UBA3: variants seen among roughly 807,000 people sequenced by gnomAD.
The protein encoded by UBA3 is ubiquitin like modifier activating enzyme 3, also known as NEDD8-activating enzyme E1 catalytic subunit.
In UBA3, 26 loss-of-function variants were observed where a neutral mutation model predicts 73.5. That is an observed-to-expected ratio of 0.35 (90% CI 0.26 to 0.49). The LOEUF (loss-of-function observed/expected upper bound fraction) is 0.49. Among genes scored for constraint, UBA3 ranks in the 20% least tolerant of loss-of-function variants. The probability of loss-of-function intolerance (pLI) is 0.98; values close to 1 mark genes in which losing one functional copy is unlikely to be tolerated. For synonymous variants in UBA3, 217 were observed against 191.2 expected (o/e 1.13, Z -1.11); for missense variants, 495 against 555.6 (o/e 0.89, Z 1.10).
chr3:69,077,808 G>A lies in UBA3; in HGVS notation c.173C>T (p.Pro58Leu), dbSNP rs751219527. 7 of 1,612,662 alleles carry A rather than the reference G, an allele frequency of 4.3e-6. No individual in the cohort carries two copies. Among genetic ancestry groups the A allele is most frequent in the Non-Finnish European group, 5.9e-6 (7 of 1,179,248 alleles). ...SGPFTHPDFE[P>L]STESLQFLLD... ...ATAAACGTTTCTCACTTCAGTGCTC[G>A]GTTCGAAATCAGGGTGTGTGAAGGG... Residue 58 changes from proline (P) to leucine (L), a missense_variant, in exon 3 of 18, where the codon CCG (proline) becomes CTG (leucine). By Grantham distance (98) the Pro-to-Leu change is moderately conservative. Transcript: ENST00000361055.
chr3:69,070,001 T>C (rs1159352626), intron 5 of UBA3, among the ~76,000 whole-genome samples: 1 of 152,190 alleles, frequency 6.6e-6, no homozygotes, highest in Non-Finnish European at 1.5e-5. Flanking sequence ...TCTGCCCAAA[T>C]TATTTAACCT....
At chr3:69,072,171 C>CA (rs1232477021) in intron 4 of UBA3, among the ~76,000 whole-genome samples, 2 of 151,996 alleles carry the variant, frequency 1.3e-5, no homozygotes, top group Admixed American at 6.5e-5. Context: ...AGGCAAAAAA[C>CA]AAAAAACCTG....
chr3:69,079,581 A>T (rs2092200177), intron 2 of UBA3, among the ~76,000 whole-genome samples: 1 of 152,210 alleles, frequency 6.6e-6, no homozygotes. Flanking sequence ...AGGGATAAAT[A>T]GGCTGTTTGA....
At chr3:69,056,108 A>C in intron 15 of UBA3, 45 bp from the exon 16 acceptor site, 1 of 1,562,688 alleles carries the variant, frequency 6.4e-7, no homozygotes, top group Non-Finnish European at 8.6e-7. Flanking sequence ...AATTTTTATC[A>C]AAAGATAATT....
chr3:69,057,059 C>T (rs1013246489), intron 12 of UBA3, among the ~76,000 whole-genome samples, 197 bp downstream of exon 12: 3 of 152,158 alleles, frequency 2.0e-5, no homozygotes, highest in Non-Finnish European at 4.4e-5. Context: ...GGAACTAAAA[C>T]GTCTCTTTAC....
intron 2 of UBA3, 73 bp from the exon 3 acceptor site, chr3:69,077,991 C>G (rs2092182765): frequency 6.5e-7 from 1 of 1,536,756 alleles, no homozygotes; most frequent in Non-Finnish European, 8.8e-7. Context: ...ATTATGGTAT[C>G]CCCAAATGAA....
At chr3:69,070,439 A>G (rs1310484249) in intron 5 of UBA3, among the ~76,000 whole-genome samples, 1 of 152,140 alleles carries the variant, frequency 6.6e-6, no homozygotes, top group Non-Finnish European at 1.5e-5. Context: ...ACTTTATCCT[A>G]TATACCCAGA....
chr3:69,060,067 G>C (rs1413532335), intron 11 of UBA3, among the ~76,000 whole-genome samples: 1 of 152,016 alleles, frequency 6.6e-6, no homozygotes, highest in African/African-American at 2.4e-5. Context: ...AACCTAAAAG[G>C]GCCTGGCCAG....
chr3:69,057,722 G>A (rs796562044), intron 11 of UBA3, among the ~76,000 whole-genome samples: 4 of 152,154 alleles, frequency 2.6e-5, no homozygotes, highest in African/African-American at 9.6e-5. Context: ...TACTTAGCAA[G>A]AGGTGGGGTT....
chr3:69,062,332 G>C (rs2107486177), intron 9 of UBA3, among the ~76,000 whole-genome samples, 153 bp from the exon 10 acceptor site: 1 of 152,278 alleles, frequency 6.6e-6, no homozygotes, highest in East Asian at 1.9e-4. Context: ...CTATAATACA[G>C]ATTAACTGAG....
At chr3:69,072,168 AAAC>A (rs1367869166) in intron 4 of UBA3, among the ~76,000 whole-genome samples, 4 of 152,212 alleles carry the variant, frequency 2.6e-5, no homozygotes, top group Non-Finnish European at 5.9e-5. Context: ...GAAAGGCAAA[AAAC>A]AAAAAACCTG....
intron 11 of UBA3, among the ~76,000 whole-genome samples, chr3:69,060,432 A>C (rs1383420520): frequency 6.6e-6 from 1 of 152,236 alleles, no homozygotes; most frequent in African/African-American, 2.4e-5. Context: ...GTAAACAAAA[A>C]AACAACAACA....
intron 2 of UBA3, among the ~76,000 whole-genome samples, chr3:69,078,757 G>GCCA (rs2092192036): frequency 6.6e-6 from 1 of 152,198 alleles, no homozygotes; most frequent in Admixed American, 6.5e-5. Context: ...ACAGGCATGA[G>GCCA]CCACCGAACC....
Position 69,068,026 on chromosome 3 carries a change from A to AAATTATAATATG in UBA3, c.348-19_348-18insCATATTATAATT. Reference sequence around the variant, plus strand: ...CTTTAGGCCTACAGGAAAAATATTTAAATTATAATTCATATTATAAATCTA... The same window carrying AAATTATAATATG: ...CTTTAGGCCTACAGGAAAAATATTTAAATTATAATATGAATTATAATTCATATTATAAATCTA... On this transcript the variant is annotated intron_variant, in intron 5 of 17. Transcript: ENST00000361055. 1.4e-6 allele frequency: 2 copies of AAATTATAATATG among 1,462,380 alleles called. No homozygotes were observed. Among genetic ancestry groups the AAATTATAATATG allele is most frequent in the South Asian group, 1.3e-5 (1 of 75,806 alleles). 90.6% of individuals were successfully genotyped at this position (1,462,380 alleles called of 1,614,324 possible). A position where few individuals can be genotyped will look rare whatever the true frequency, so the allele number is the denominator to read the frequency against.
At chr3:69,072,268 G>C (rs969345830) in intron 4 of UBA3, among the ~76,000 whole-genome samples, 2 of 152,138 alleles carry the variant, frequency 1.3e-5, no homozygotes, top group South Asian at 2.1e-4. Flanking sequence ...AAAAAAATAA[G>C]TCTCAATAAC....
At chr3:69,077,761 C>T (rs1476410303) in intron 3 of UBA3, 37 bp downstream of exon 3, 2 of 1,577,206 alleles carry the variant, frequency 1.3e-6, no homozygotes, top group Admixed American at 3.6e-5. Context: ...AAACATAAAA[C>T]TATTAGAGCA....
Position 69,073,188 on chromosome 3 carries a change from G to A in UBA3, c.265-1571C>T, listed in dbSNP as rs553301136. ...TTCATGACTCAGAGTAAAAGCGACA[G>A]CACTTACAGTAACCTCCAAAGTCTT... is the stretch of plus-strand genomic sequence containing the variant. On this transcript the variant is annotated intron_variant, in intron 4 of 17. Coordinates refer to ENST00000361055, the MANE Select transcript of UBA3 (RefSeq NM_003968.4). Among the ~76,000 whole-genome samples, 7 of 152,212 alleles carry A rather than the reference G, an allele frequency of 4.6e-5. No individual in the cohort carries two copies. The East Asian group carries it at 1.4e-3, about 29-fold the overall frequency.
intron 4 of UBA3, among the ~76,000 whole-genome samples, chr3:69,074,502 G>A (rs538115206): frequency 1.3e-5 from 2 of 152,274 alleles, no homozygotes; most frequent in East Asian, 1.9e-4. Flanking sequence ...TCACTCAAGC[G>A]ACATTAGTGT....
intron 3 of UBA3, 109 bp from the exon 4 acceptor site, chr3:69,075,619 T>G: frequency 6.4e-6 from 3 of 465,924 alleles, no homozygotes; most frequent in Non-Finnish European, 1.1e-5. Flanking sequence ...AAAATGCCAC[T>G]AGGATAAAGA....
Sources: gnomAD v4.1 joint callset for allele counts (sites outside exome capture counted in the v4.1 genomes callset) on GRCh38, gnomAD v4.1.1 for gene constraint, MANE v1.5 for transcripts, NCBI Gene and HGNC (gene_info 2026-07-23, HGNC 2026-07-21) for gene names.